The following GALNT11 variants were observed in gnomAD, a reference collection of about 807,000 sequenced individuals.
GALNT11 encodes the protein UDP-GalNAc:polypeptide N-acetylgalactosaminyltransferase 11.
Under a neutral mutation model 72.7 loss-of-function variants are expected in GALNT11, and 47 were observed. The observed-to-expected ratio is 0.65, with a 90% CI of 0.51 to 0.82. The LOEUF is 0.82. GALNT11 is among the 40% of genes least tolerant of loss of function. GALNT11 has a pLI of 0.00. For synonymous variants in GALNT11, 270 were observed against 286.6 expected (o/e 0.94, Z 0.58); for missense variants, 677 against 778.4 (o/e 0.87, Z 1.55).
In GALNT11 at chr7:152,117,293, T is replaced by A; in HGVS notation, c.1370T>A (p.Ile457Lys). 3 of 1,614,226 alleles carry A rather than the reference T, an allele frequency of 1.9e-6. No homozygotes were observed. The highest frequency in any genetic ancestry group is 2.5e-6 in the Non-Finnish European group (3 of 1,180,034). ...YLDNVYPEMQ[I>K]SGSHAKPQQP... ...GATAATGTATACCCAGAGATGCAGA[T>A]ATCTGGGTCCCACGCCAAACCCCAA... Residue 457 changes from isoleucine to lysine, a missense_variant, in exon 9 of 12, where the codon ATA becomes AAA. By Grantham distance (102) the Ile-to-Lys change is moderately radical. Transcript: ENST00000430044.
At chr7:152,118,817 G>T (rs199902058) in intron 10 of GALNT11, 35 bp downstream of exon 10, 1 of 1,548,698 alleles carries the variant, frequency 6.5e-7, no homozygotes, top group African/African-American at 1.4e-5. Context: ...GCCAGTGTCC[G>T]CAAGGAGGCT....
intron 1 of GALNT11, among the ~76,000 whole-genome samples, chr7:152,051,199 G>GTTTTTTTTTTTTT (rs35668155): frequency 1.5e-4 from 7 of 46,826 alleles, no homozygotes; most frequent in Admixed American, 4.5e-4. Flanking sequence ...ATATCTGGTT[G>GTTTTTTTTTTTTT]TTTTTTTTTT....
At chr7:152,043,322 G>A (rs1265018547) in intron 1 of GALNT11, among the ~76,000 whole-genome samples, 3 of 152,186 alleles carry the variant, frequency 2.0e-5, no homozygotes, top group African/African-American at 7.2e-5. Context: ...ACCTTTTGCG[G>A]GGATTCCCCA....
intron 1 of GALNT11, among the ~76,000 whole-genome samples, chr7:152,090,868 C>A (rs963626342): frequency 6.6e-6 from 1 of 152,040 alleles, no homozygotes; most frequent in Non-Finnish European, 1.5e-5. Context: ...GTGTTCCCAG[C>A]TGGATAGAGA....
At chr7:152,079,303 A>G (rs2085177095) in intron 1 of GALNT11, 1 of 152,146 alleles carries the variant, frequency 6.6e-6, no homozygotes, top group Non-Finnish European at 1.5e-5. Flanking sequence ...AGTGAGCGAG[A>G]GCTGCTACTT....
chr7:152,061,859 G>T (rs2084037466), intron 1 of GALNT11, among the ~76,000 whole-genome samples: 1 of 152,162 alleles, frequency 6.6e-6, no homozygotes, highest in Admixed American at 6.5e-5. Context: ...CCAGTACCAT[G>T]CTGTTTTGGT....
At chr7:152,050,221 A>G (rs1475645579) in intron 1 of GALNT11, among the ~76,000 whole-genome samples, 1 of 151,986 alleles carries the variant, frequency 6.6e-6, no homozygotes, top group Non-Finnish European at 1.5e-5. Flanking sequence ...GCTGGGTCAC[A>G]CCTGAAGCCA....
chr7:152,076,527 G>A (rs964999434), intron 1 of GALNT11, among the ~76,000 whole-genome samples: 2 of 152,192 alleles, frequency 1.3e-5, no homozygotes, highest in Non-Finnish European at 2.9e-5. Context: ...TGTAGCATAC[G>A]TATGTCAGAG....
intron 1 of GALNT11, among the ~76,000 whole-genome samples, chr7:152,055,618 TTTG>T (rs2083635329): frequency 6.6e-6 from 1 of 151,530 alleles, no homozygotes; most frequent in Non-Finnish European, 1.5e-5. Flanking sequence ...TTTGGTACTT[TTTG>T]TTAAGAGGAT....
At chr7:152,047,735 CTA>C (rs2083207123) in intron 1 of GALNT11, among the ~76,000 whole-genome samples, 1 of 151,586 alleles carries the variant, frequency 6.6e-6, no homozygotes, top group Non-Finnish European at 1.5e-5. Flanking sequence ...TATGTATACT[CTA>C]TATATAAATA....
chr7:152,051,183 A>G (rs1417268530), intron 1 of GALNT11, among the ~76,000 whole-genome samples: 4 of 131,046 alleles, frequency 3.1e-5, no homozygotes, highest in African/African-American at 5.9e-5. Context: ...CTTTCCTCCT[A>G]GAATTATATC....
At chr7:152,050,104 A>C (rs186080442) in intron 1 of GALNT11, among the ~76,000 whole-genome samples, 2 of 151,858 alleles carry the variant, frequency 1.3e-5, no homozygotes, top group African/African-American at 4.8e-5. Context: ...GCTCTACCCC[A>C]CTGTGGCCAC....
intron 1 of GALNT11, among the ~76,000 whole-genome samples, chr7:152,086,078 G>T (rs1227646486): frequency 6.6e-6 from 1 of 151,972 alleles, no homozygotes; most frequent in Non-Finnish European, 1.5e-5. Context: ...AGTAGACATG[G>T]GGTTTCACCA....
intron 7 of GALNT11, among the ~76,000 whole-genome samples, chr7:152,111,015 G>A (rs1270584907): frequency 6.6e-6 from 1 of 151,902 alleles, no homozygotes; most frequent in African/African-American, 2.4e-5. Flanking sequence ...TTGACAAATT[G>A]TCCTTAATGA....
intron 1 of GALNT11, among the ~76,000 whole-genome samples, chr7:152,038,981 T>A (rs891936473): frequency 1.1e-4 from 17 of 152,312 alleles, no homozygotes; most frequent in African/African-American, 4.1e-4. Context: ...TATTAATAAT[T>A]TCCACAAATC....
intron 1 of GALNT11, among the ~76,000 whole-genome samples, chr7:152,068,302 C>A (rs1042196530): frequency 6.6e-6 from 1 of 152,196 alleles, no homozygotes; most frequent in Non-Finnish European, 1.5e-5. Flanking sequence ...TGGCGTCCTT[C>A]ATTTAGCAAT....
intron 6 of GALNT11, among the ~76,000 whole-genome samples, chr7:152,109,764 C>G (rs1168123269): frequency 6.6e-6 from 1 of 151,904 alleles, no homozygotes; most frequent in Non-Finnish European, 1.5e-5. Flanking sequence ...ATGTTTTTTC[C>G]CTGCAGAGAT....
chr7:152,060,583 G>C (rs1441186715), intron 1 of GALNT11, among the ~76,000 whole-genome samples: 1 of 151,528 alleles, frequency 6.6e-6, no homozygotes, highest in African/African-American at 2.4e-5. Flanking sequence ...TCATTAACTC[G>C]TCATTTACAT....
intron 1 of GALNT11, chr7:152,093,923 T>TGAA (rs1283227539): frequency 1.0e-5 from 3 of 287,008 alleles, no homozygotes. Context: ...AGAACAAAGG[T>TGAA]GAAGAAGTAT....
Sources: gnomAD v4.1 joint callset for allele counts (sites outside exome capture counted in the v4.1 genomes callset) on GRCh38, gnomAD v4.1.1 for gene constraint, MANE v1.5 for transcripts, NCBI Gene and HGNC (gene_info 2026-07-23, HGNC 2026-07-21) for gene names.